NLGN1: variants seen among roughly 807,000 people sequenced by gnomAD.
The protein encoded by NLGN1 is neuroligin 1.
A neutral mutation model predicts 65.5 loss-of-function variants in NLGN1; 12 were observed. That is an observed-to-expected ratio of 0.18 (90% CI 0.12 to 0.30). NLGN1 has a LOEUF of 0.30. Ranked by LOEUF, NLGN1 falls within the 10% of genes least tolerant of loss-of-function variation. The probability of loss-of-function intolerance (pLI) is 1.00; values close to 1 mark genes in which losing one functional copy is unlikely to be tolerated. For missense variants in NLGN1, 750 were observed against 1,007.1 expected (o/e 0.74, Z 3.46); for synonymous variants, 350 against 359.5 (o/e 0.97, Z 0.30).
At chr3:173,857,209 G>A (rs1416302769) in intron 4 of NLGN1, among the ~76,000 whole-genome samples, 1 of 152,048 alleles carries the variant, frequency 6.6e-6, no homozygotes, top group East Asian at 1.9e-4. Context: ...AGAAGGTAAG[G>A]GTTAGTAATT....
At chr3:173,835,948 G>A (rs1578702472) in intron 4 of NLGN1, among the ~76,000 whole-genome samples, 1 of 152,060 alleles carries the variant, frequency 6.6e-6, no homozygotes, top group South Asian at 2.1e-4. Context: ...CCTCACAACC[G>A]CACTGTAAGG....
intron 3 of NLGN1, among the ~76,000 whole-genome samples, chr3:173,708,941 G>T (rs1007000443): frequency 6.6e-6 from 1 of 152,118 alleles, no homozygotes; most frequent in Non-Finnish European, 1.5e-5. Flanking sequence ...TTAAAAGTGA[G>T]GTTCTCAAAA....
In NLGN1 at chr3:174,137,125, A is replaced by G. The variant is rs1721366728; in HGVS notation, c.647-138190A>G. Among the ~76,000 whole-genome samples, 3 of 152,104 alleles carry G rather than the reference A, an allele frequency of 2.0e-5. No homozygotes were observed. In the South Asian group the frequency reaches 6.2e-4, roughly 32 times the overall value. On this transcript the variant is annotated intron_variant, in intron 4 of 6. Transcript: ENST00000457714. ...AGTGAAAAACAGAATGGTTATAAGG[A>G]CACTCACCATTAACATTCGCAGTTG...
intron 2 of NLGN1, among the ~76,000 whole-genome samples, chr3:173,458,955 G>T (rs772597992): frequency 6.6e-6 from 1 of 151,982 alleles, no homozygotes; most frequent in East Asian, 1.9e-4. Context: ...ACTAGCAGAC[G>T]CCACTAGAGT....
At chr3:174,062,496 T>C (rs1388516785) in intron 4 of NLGN1, among the ~76,000 whole-genome samples, 1 of 152,046 alleles carries the variant, frequency 6.6e-6, no homozygotes, top group African/African-American at 2.4e-5. Context: ...TTTTTGCTTT[T>C]AAAAAATTCT....
intron 4 of NLGN1, among the ~76,000 whole-genome samples, chr3:174,061,713 T>G (rs1416433452): frequency 2.0e-5 from 3 of 152,132 alleles, no homozygotes; most frequent in African/African-American, 7.2e-5. Flanking sequence ...AGCAGCAACT[T>G]CAAGTCAATT....
intron 3 of NLGN1, among the ~76,000 whole-genome samples, chr3:173,667,366 T>G (rs1278781095): frequency 3.9e-5 from 6 of 152,000 alleles, no homozygotes; most frequent in African/African-American, 1.4e-4. Context: ...TTTTAAAACA[T>G]TTTTTAAAAA....
At chr3:173,534,292 G>A (rs748612958) in intron 2 of NLGN1, among the ~76,000 whole-genome samples, 1 of 152,094 alleles carries the variant, frequency 6.6e-6, no homozygotes, top group Non-Finnish European at 1.5e-5. Context: ...TTTCTTAATA[G>A]TGTTTTCACT....
intron 3 of NLGN1, among the ~76,000 whole-genome samples, chr3:173,729,946 T>C (rs1448046853): frequency 6.6e-6 from 1 of 152,020 alleles, no homozygotes; most frequent in Admixed American, 6.6e-5. Flanking sequence ...GACTTAAAGT[T>C]TCTGAATAGG....
intron 3 of NLGN1, among the ~76,000 whole-genome samples, chr3:173,806,973 G>C (rs927845962): frequency 7.9e-5 from 12 of 152,094 alleles, no homozygotes; most frequent in Non-Finnish European, 1.2e-4. Flanking sequence ...ATATTTGTCT[G>C]TTCTCTTCTT....
At chr3:174,287,282 A>G (rs1408243487), downstream of NLGN1, among the ~76,000 whole-genome samples, 1 of 143,188 alleles carries the variant, frequency 7.0e-6, no homozygotes, top group African/African-American at 2.6e-5. Context: ...AGCCCAAGAT[A>G]AGAATACAGC....
At chr3:174,026,553 A>G (rs1728870155) in intron 4 of NLGN1, among the ~76,000 whole-genome samples, 1 of 152,246 alleles carries the variant, frequency 6.6e-6, no homozygotes, top group South Asian at 2.1e-4. Flanking sequence ...TATAAATAAA[A>G]GCAGATGAAC....
intron 2 of NLGN1, among the ~76,000 whole-genome samples, chr3:173,448,430 T>G (rs1266094613): frequency 3.9e-5 from 6 of 152,254 alleles, no homozygotes; most frequent in Non-Finnish European, 1.5e-5. Flanking sequence ...TCATGGTGGA[T>G]AAGCTTTTTG....
intron 2 of NLGN1, among the ~76,000 whole-genome samples, chr3:173,560,218 G>A (rs1195030976): frequency 6.6e-6 from 1 of 152,092 alleles, no homozygotes; most frequent in East Asian, 1.9e-4. Context: ...ACAAGCGTGA[G>A]CCACCGCGCC....
chr3:173,540,726 T>C (rs1738721931), intron 2 of NLGN1, among the ~76,000 whole-genome samples: 1 of 152,186 alleles, frequency 6.6e-6, no homozygotes, highest in Non-Finnish European at 1.5e-5. Context: ...CAAGTGTTCT[T>C]GTTGTCAAAC....
At position 174,275,604 on chromosome 3, in the gene NLGN1, A is replaced by G. The variant is rs1467719782; in HGVS notation, c.859+77A>G. The G allele has an allele frequency of 1.3e-5, 11 of 841,092 alleles. No individual in the cohort carries two copies. The East Asian group carries it at 2.5e-4, about 19-fold the overall frequency. 52.1% of individuals were successfully genotyped at this position (841,092 alleles called of 1,614,324 possible). ...CCATCAGTAGTATGTGATGCTCTGT[A>G]TATTTCTCTGTTCAAACTGAGTGTT... On this transcript the variant is annotated intron_variant, in intron 5 of 6. Coordinates refer to ENST00000457714, the Ensembl canonical transcript of NLGN1.
chr3:173,929,391 G>A (rs913713250), intron 4 of NLGN1, among the ~76,000 whole-genome samples: 1 of 151,920 alleles, frequency 6.6e-6, no homozygotes, highest in Non-Finnish European at 1.5e-5. Context: ...CAGCTAAGTT[G>A]TATGTTCACC....
intron 4 of NLGN1, among the ~76,000 whole-genome samples, chr3:174,120,690 G>A (rs1176655818): frequency 1.3e-5 from 2 of 152,038 alleles, no homozygotes; most frequent in Non-Finnish European, 2.9e-5. Flanking sequence ...AAGATATGAC[G>A]TGGTCATACT....
chr3:173,830,130 T>C (rs902022582), intron 4 of NLGN1, among the ~76,000 whole-genome samples: 1 of 152,148 alleles, frequency 6.6e-6, no homozygotes, highest in Non-Finnish European at 1.5e-5. Flanking sequence ...ATCTTTTTAA[T>C]ATAGCAATCT....
Sources: gnomAD v4.1 joint callset for allele counts (sites outside exome capture counted in the v4.1 genomes callset) on GRCh38, gnomAD v4.1.1 for gene constraint, MANE v1.5 for transcripts, NCBI Gene and HGNC (gene_info 2026-07-23, HGNC 2026-07-21) for gene names.